The following KDM5A variants were observed in gnomAD, a reference collection of about 807,000 sequenced individuals.
The protein encoded by KDM5A is lysine demethylase 5A, also known as lysine-specific demethylase 5A.
Under a neutral mutation model 193.5 loss-of-function variants are expected in KDM5A, and 42 were observed. That is an observed-to-expected ratio of 0.22 (90% CI 0.17 to 0.28). The LOEUF (loss-of-function observed/expected upper bound fraction) is 0.28, where lower values mean the gene tolerates loss of function less well. Among genes scored for constraint, KDM5A ranks in the 10% least tolerant of loss-of-function variants. KDM5A has a pLI of 1.00. For missense variants in KDM5A, 1,692 were observed against 2,055.1 expected, an observed-to-expected ratio of 0.82 and a Z score of 3.42; for synonymous variants, 796 against 718.1, an observed-to-expected ratio of 1.11 and a Z score of -1.73.
chr12:282,675 C>A lies in KDM5A; in HGVS notation c.*2781G>T. The A allele has an allele frequency of 4.3e-6, 1 of 232,888 alleles. No individual in the cohort carries two copies. The highest frequency in any genetic ancestry group is 8.5e-6 in the Non-Finnish European group (1 of 117,870). The allele number at this position is 232,888 out of a possible 1,614,324, so 14.4% of individuals were successfully genotyped here. On this transcript the variant is annotated 3_prime_UTR_variant, in exon 28 of 28. Transcript: ENST00000399788. ...TCCATTTTTCTTTCTATAACCTTTGCCAGAGTTAAAATACTAATGATGAAG... is the reference window on the plus strand; with the variant it reads ...TCCATTTTTCTTTCTATAACCTTTGACAGAGTTAAAATACTAATGATGAAG...
Position 322,441 on chromosome 12 carries a change from A to T in KDM5A, c.2402T>A (p.Leu801His). The T allele has an allele frequency of 1.2e-6, 2 of 1,613,122 alleles. No individual in the cohort carries two copies. The highest frequency in any genetic ancestry group is 1.7e-6 in the Non-Finnish European group (2 of 1,179,962). Residue 801 changes from leucine (L) to histidine (H), a missense_variant, in exon 17 of 28, where the codon CTT (leucine) becomes CAT (histidine). Around this residue, in one of 11 missense-constraint regions of KDM5A, gnomAD observed 965 missense variants for 1,061.0 expected, o/e 0.91. Transcript: ENST00000399788. Reference protein sequence around the residue: ...AETCASVAQLLLSKKQKHRQS... With the variant: ...AETCASVAQLHLSKKQKHRQS... ...CCTGTGTTTCTGCTTTTTGCTCAGA[A>T]GCAGCTGAGCCACAGAAGCACAGGT...
chr12:360,328 C>G (rs898315588), intron 5 of KDM5A, among the ~76,000 whole-genome samples: 1 of 151,570 alleles, frequency 6.6e-6, no homozygotes, highest in African/African-American at 2.4e-5. Flanking sequence ...TACTTGAAAT[C>G]ACATGCAGAT....
At chr12:342,459 T>C (rs565706104) in intron 10 of KDM5A, among the ~76,000 whole-genome samples, 33 of 152,172 alleles carry the variant, frequency 2.2e-4, no homozygotes, top group African/African-American at 7.7e-4. Context: ...CAATAAAATG[T>C]GTTTTTTTTT....
chr12:334,105 A>C, intron 11 of KDM5A, 136 bp downstream of exon 11: 1 of 796,806 alleles, frequency 1.3e-6, no homozygotes, highest in East Asian at 2.6e-5. Context: ...CTACCCAAAG[A>C]AATAGGCCAA....
rs1342923164 is a variant in KDM5A, at chr12:307,151, G to A, written c.3931-62C>T. ...ATGCTAAACAGACAGGGTAATTAAT[G>A]TGTGCTTAAGATCACCAAAATGTAA... On this transcript the variant is annotated intron_variant, in intron 23 of 27. Transcript: ENST00000399788. The surrounding 1 kb of genome is among the most constrained non-coding windows in gnomAD (Gnocchi z 4.3). The A allele has an allele frequency of 2.5e-6, 4 of 1,591,988 alleles. No homozygotes were observed. Among genetic ancestry groups the A allele is most frequent in the Non-Finnish European group, 3.4e-6 (4 of 1,161,384 alleles).
intron 13 of KDM5A, among the ~76,000 whole-genome samples, chr12:329,721 C>T (rs867483849): frequency 6.6e-6 from 1 of 152,030 alleles, no homozygotes; most frequent in Middle Eastern, 3.2e-3. Flanking sequence ...CATAAATGAA[C>T]AGTTACAGTC....
At chr12:379,874 C>A (rs1412963765) in intron 3 of KDM5A, among the ~76,000 whole-genome samples, 1 of 152,204 alleles carries the variant, frequency 6.6e-6, no homozygotes. Flanking sequence ...GTTAAACACT[C>A]TGGATGACCG....
chr12:301,302 C>G (rs1943438599), intron 24 of KDM5A, among the ~76,000 whole-genome samples: 1 of 152,146 alleles, frequency 6.6e-6, no homozygotes. Flanking sequence ...AAACTGAATC[C>G]AGCAGTACAT....
intron 27 of KDM5A, among the ~76,000 whole-genome samples, chr12:290,679 G>A (rs1943281188): frequency 6.6e-6 from 1 of 151,742 alleles, no homozygotes; most frequent in Non-Finnish European, 1.5e-5. Context: ...CCTTTGAATA[G>A]GCAGGGCACC....
intron 13 of KDM5A, among the ~76,000 whole-genome samples, chr12:330,095 A>ATATATATATC (rs1437768215): frequency 2.8e-5 from 3 of 105,378 alleles, no homozygotes; most frequent in South Asian, 2.8e-4. Context: ...GTATATATAT[A>ATATATATATC]TATCTTATGA....
intron 24 of KDM5A, among the ~76,000 whole-genome samples, chr12:305,584 A>C (rs1372959650): frequency 6.6e-6 from 1 of 152,210 alleles, no homozygotes; most frequent in Non-Finnish European, 1.5e-5. Flanking sequence ...AGGAATTCCC[A>C]GGTTACAAGA....
chr12:353,718 C>G (rs768077862), intron 8 of KDM5A, among the ~76,000 whole-genome samples: 2 of 151,862 alleles, frequency 1.3e-5, no homozygotes, highest in Non-Finnish European at 2.9e-5. Context: ...GTCAAGAGAC[C>G]GAGACTATCC....
At chr12:326,946 T>C (rs963228169) in intron 14 of KDM5A, among the ~76,000 whole-genome samples, 5 of 151,310 alleles carry the variant, frequency 3.3e-5, no homozygotes, top group African/African-American at 1.2e-4. Context: ...ACTTTGAGAC[T>C]TTCAAAAGTA....
At chr12:383,845 T>C (rs1944607508) in intron 3 of KDM5A, among the ~76,000 whole-genome samples, 186 bp downstream of exon 3, 1 of 151,098 alleles carries the variant, frequency 6.6e-6, no homozygotes, top group African/African-American at 2.4e-5. Flanking sequence ...GCCTCCTGGG[T>C]TCAAGCAATT....
intron 5 of KDM5A, 70 bp downstream of exon 5, chr12:362,893 G>T: frequency 6.8e-7 from 1 of 1,471,660 alleles, no homozygotes; most frequent in Non-Finnish European, 9.5e-7. Context: ...AGGAGTTCAA[G>T]GCTAGCCTGG....
At chr12:319,949 A>C (rs1943695325) in intron 18 of KDM5A, among the ~76,000 whole-genome samples, 1 of 152,094 alleles carries the variant, frequency 6.6e-6, no homozygotes, top group African/African-American at 2.4e-5. Flanking sequence ...AAGTGGGGGC[A>C]CCTGAAGAAA....
At chr12:318,041 C>A in intron 19 of KDM5A, 65 bp downstream of exon 19, 1 of 1,198,098 alleles carries the variant, frequency 8.3e-7, no homozygotes, top group South Asian at 1.3e-5. Flanking sequence ...CTTTTAAGTT[C>A]CTTCTTCCCA....
At position 283,684 on chromosome 12, in the gene KDM5A, A is replaced by G. The variant is rs981657364; in HGVS notation, c.*1772T>C. ...GGCAAAAAGGGAAGAGGAAACTATA[A>G]GCTGTTGCTAGGTCCACCCCAATCC... On this transcript the variant is annotated 3_prime_UTR_variant, in exon 28 of 28. Transcript: ENST00000399788. 4.3e-5 allele frequency: 10 copies of G among 233,266 alleles called. 1 individual carries two copies. The highest frequency in any genetic ancestry group is 2.0e-4 in the African/African-American group (9 of 45,332). 14.4% of individuals were successfully genotyped at this position (233,266 alleles called of 1,614,324 possible).
chr12:322,341 A>G lies in KDM5A; in HGVS notation c.2426+76T>C, dbSNP rs1943727925. 6 of 1,371,870 alleles carry G rather than the reference A, an allele frequency of 4.4e-6. No homozygotes were observed. The African/African-American group carries it at 7.1e-5, about 16-fold the overall frequency. The allele number at this position is 1,371,870 out of a possible 1,614,324, so 85.0% of individuals were successfully genotyped here. ...GGTCAAAGATAATGTACGGCTTCAC[A>G]GGCCGGATAAAATTTTGGTTTTTAC... On this transcript the variant is annotated intron_variant, in intron 17 of 27. Transcript: ENST00000399788.
Sources: allele counts gnomAD v4.1 joint callset (sites outside exome capture counted in the v4.1 genomes callset), GRCh38; gene constraint gnomAD v4.1.1; regional missense constraint gnomAD v4.1.1; non-coding constraint Gnocchi (gnomAD v3.1); transcripts MANE v1.5; gene names NCBI Gene and HGNC (gene_info 2026-07-23, HGNC 2026-07-21).